Variants in MTM1 observed in about 807,000 individuals in gnomAD.
MTM1 encodes the protein myotubularin.
Under a neutral mutation model 52.1 loss-of-function variants are expected in MTM1, and 9 were observed. The ratio of observed to expected loss-of-function variants is 0.17; its 90% CI spans 0.10 to 0.30. The LOEUF (loss-of-function observed/expected upper bound fraction) is 0.30. Among genes scored for constraint, MTM1 ranks in the 10% least tolerant of loss-of-function variants. The pLI, the probability that MTM1 is intolerant of heterozygous loss-of-function variation, is 1.00. For synonymous variants in MTM1, 136 were observed against 163.8 expected, an observed-to-expected ratio of 0.83 and a Z score of 1.29; for missense variants, 277 against 470.7, an observed-to-expected ratio of 0.59 and a Z score of 3.81.
intron 4 of MTM1, among the ~76,000 whole-genome samples, chrX:150,614,209 G>A (rs188684382): frequency 6.1e-4 from 68 of 112,351 alleles, no homozygotes; most frequent in African/African-American, 2.0e-3. Flanking sequence ...CCTGAGCAAA[G>A]CAGGTGGCTT....
intron 5 of MTM1, among the ~76,000 whole-genome samples, chrX:150,615,746 T>C (rs1422843206): frequency 1.8e-5 from 2 of 112,280 alleles, no homozygotes; most frequent in African/African-American, 6.5e-5. Flanking sequence ...TGTTTTTCTT[T>C]CCGTTTATAA....
At chrX:150,628,939 C>G (rs1282631300) in intron 6 of MTM1, among the ~76,000 whole-genome samples, 1 of 110,907 alleles carries the variant, frequency 9.0e-6, no homozygotes, top group Non-Finnish European at 1.9e-5. Flanking sequence ...CCTCTGCCCC[C>G]TAAAGTGCTG....
chrX:150,665,482 A>C (rs781816179), intron 14 of MTM1, among the ~76,000 whole-genome samples: 1 of 112,903 alleles, frequency 8.9e-6, no homozygotes, highest in Non-Finnish European at 1.9e-5. Context: ...AAATAGATTA[A>C]ATCGCATAGG....
At chrX:150,637,751 G>T (rs1220891505) in intron 6 of MTM1, among the ~76,000 whole-genome samples, 1 of 112,047 alleles carries the variant, frequency 8.9e-6, no homozygotes, top group Non-Finnish European at 1.9e-5. Flanking sequence ...TGGAATAGTA[G>T]CCGCAAAGGC....
At chrX:150,652,824 T>A (rs1274289913) in intron 10 of MTM1, among the ~76,000 whole-genome samples, 3 of 108,603 alleles carry the variant, frequency 2.8e-5, no homozygotes, top group Admixed American at 1.0e-4. Context: ...AGCTTTTTTT[T>A]AAAAGAGAGA....
rs367956635 is a variant in MTM1, at chrX:150,641,436, C to T, written c.678+18C>T. The stretch of plus-strand genomic sequence containing the variant: ...GAATTCCAGTGAGTACTGCAATTAA[C>T]GTTTCTCTTGAAGAGCACCTTTTAG... On this transcript the variant is annotated intron_variant, in intron 8 of 14. Coordinates refer to ENST00000370396, the MANE Select transcript of MTM1 (RefSeq NM_000252.3). 40 of 1,206,459 alleles carry T rather than the reference C, an allele frequency of 3.3e-5. No individual in the cohort carries two copies. Among genetic ancestry groups the T allele is most frequent in the Non-Finnish European group, 4.5e-5 (40 of 892,329 alleles).
At chrX:150,639,197 G>A (rs1557413793) in intron 7 of MTM1, among the ~76,000 whole-genome samples, 171 bp downstream of exon 7, 1 of 112,231 alleles carries the variant, frequency 8.9e-6, no homozygotes, top group East Asian at 2.8e-4. Flanking sequence ...ATCTATTACT[G>A]TATAACTTAT....
chrX:150,566,872 T>C (rs1250775540), upstream of MTM1, among the ~76,000 whole-genome samples: 3 of 111,930 alleles, frequency 2.7e-5, no homozygotes, highest in Non-Finnish European at 3.8e-5. Context: ...TCCAGAGTTA[T>C]TCAGCAGCCC....
chrX:150,601,521 G>A (rs929470899), intron 4 of MTM1, among the ~76,000 whole-genome samples: 2 of 112,387 alleles, frequency 1.8e-5, no homozygotes. Context: ...TGTAAACACT[G>A]CAGTAGGAGT....
chrX:150,640,586 G>A (rs1213794605), intron 7 of MTM1, among the ~76,000 whole-genome samples: 1 of 111,879 alleles, frequency 8.9e-6, no homozygotes, highest in African/African-American at 3.3e-5. Flanking sequence ...ATTTTGTGGG[G>A]GAGATGATAG....
Position 150,630,187 on chromosome X carries a change from G to T in MTM1, c.445-8756G>T, listed in dbSNP as rs1245613886. 2.7e-5 allele frequency among the ~76,000 whole-genome samples: 3 copies of T among 111,693 alleles called. No individual in the cohort carries two copies. In the East Asian group the frequency reaches 8.4e-4, roughly 31 times the overall value. On this transcript the variant is annotated intron_variant, in intron 6 of 14. Transcript: ENST00000370396. ...AGCTCACTGCAACCTCCGCCTCCCGGGTTCAAGCGATTTTCGTGCCTCAGC... is the reference window on the plus strand; with the variant it reads ...AGCTCACTGCAACCTCCGCCTCCCGTGTTCAAGCGATTTTCGTGCCTCAGC...
intron 9 of MTM1, among the ~76,000 whole-genome samples, chrX:150,646,998 G>C (rs1265724956): frequency 1.8e-5 from 2 of 110,795 alleles, no homozygotes; most frequent in Non-Finnish European, 3.8e-5. Context: ...CCAGCTATTT[G>C]TTACTACGGT....
At chrX:150,567,937 T>A (rs1557411285), upstream of MTM1, among the ~76,000 whole-genome samples, 1 of 112,106 alleles carries the variant, frequency 8.9e-6, no homozygotes, top group Non-Finnish European at 1.9e-5. Flanking sequence ...CCTTTCTTTT[T>A]ACTGTATCAA....
chrX:150,599,139 G>A (rs2039028496), intron 4 of MTM1, among the ~76,000 whole-genome samples: 1 of 112,946 alleles, frequency 8.9e-6, no homozygotes, highest in Admixed American at 9.3e-5. Flanking sequence ...AGATAGTGAT[G>A]TGAATTTCTG....
At chrX:150,604,296 T>C (rs782533987) in intron 4 of MTM1, among the ~76,000 whole-genome samples, 7 of 111,788 alleles carry the variant, frequency 6.3e-5, no homozygotes, top group Non-Finnish European at 9.4e-5. Context: ...CAAAGCTCCT[T>C]AGAGTTTACC....
chrX:150,590,797 G>T (rs183149234), intron 1 of MTM1, among the ~76,000 whole-genome samples: 1 of 112,034 alleles, frequency 8.9e-6, no homozygotes, highest in Non-Finnish European at 1.9e-5. Flanking sequence ...TGACTTGATA[G>T]TAAGAATTTA....
chrX:150,594,297 T>C (rs1603121412), intron 2 of MTM1, among the ~76,000 whole-genome samples: 2 of 109,323 alleles, frequency 1.8e-5, no homozygotes, highest in South Asian at 8.0e-4. Flanking sequence ...TTTAGTAGAG[T>C]TGGGGTTTCA....
intron 1 of MTM1, among the ~76,000 whole-genome samples, chrX:150,572,799 C>A (rs2038402601): frequency 8.9e-6 from 1 of 112,738 alleles, no homozygotes. Flanking sequence ...CTGTACCATC[C>A]TCCTTGCTGG....
rs782268952 is a variant in MTM1 at position 150,602,341 on chromosome X, T to C, written c.231+3655T>C. ...ATTGAAGATGCTAAGTCAGTGTGTG[T>C]TGAATGAATGGATTCTGTCATATTT... is the stretch of plus-strand genomic sequence containing the variant. On this transcript the variant is annotated intron_variant, in intron 4 of 14. Coordinates refer to ENST00000370396, the MANE Select transcript of MTM1 (RefSeq NM_000252.3). Among the ~76,000 whole-genome samples, 95 of 112,507 alleles carry C rather than the reference T, an allele frequency of 8.4e-4. 1 individual carries two copies. The highest frequency in any genetic ancestry group is 2.8e-3 in the African/African-American group (86 of 30,985).
Sources: allele counts gnomAD v4.1 joint callset (sites outside exome capture counted in the v4.1 genomes callset), GRCh38; gene constraint gnomAD v4.1.1; transcripts MANE v1.5; gene names NCBI Gene and HGNC (gene_info 2026-07-23, HGNC 2026-07-21).